Variants in LAMA3 observed in about 807,000 individuals in gnomAD.
LAMA3 encodes laminin subunit alpha-3.
In LAMA3, 281 loss-of-function variants were observed where a neutral mutation model predicts 402.0. The observed-to-expected ratio is 0.70, with a 90% CI of 0.63 to 0.77. LAMA3 has a LOEUF of 0.77. Ranked by LOEUF, LAMA3 falls within the 30% of genes least tolerant of loss-of-function variation. LAMA3 has a pLI of 0.00. For synonymous variants in LAMA3, 1,431 were observed against 1,558.4 expected (o/e 0.92, Z 1.93); for missense variants, 3,840 against 4,215.5 (o/e 0.91, Z 2.47).
rs1375195526 is a variant in LAMA3 at position 23,839,412 on chromosome 18, A to G, written c.3192-373A>G. On this transcript the variant is annotated intron_variant, in intron 26 of 74. Coordinates refer to ENST00000313654, the MANE Select transcript of LAMA3 (RefSeq NM_198129.4). This position sits in a 1 kb window ranked among gnomAD's most constrained non-coding sequence, Gnocchi z 4.5. ...TGGTTGTGCGTAAAAGAGACGATGT[A>G]TATTTTTTCTTTCTTATATAGTGTT... is the stretch of plus-strand genomic sequence containing the variant. Among the ~76,000 whole-genome samples, 1 of 152,164 alleles carries G rather than the reference A, an allele frequency of 6.6e-6. No homozygotes were observed. Among genetic ancestry groups the G allele is most frequent in the Admixed American group, 6.5e-5 (1 of 15,274 alleles).
chr18:23,773,607 GGTGTATCTTAGCCTGT>G lies in LAMA3; in HGVS notation c.1273+26_1273+41del, dbSNP rs751342972. On this transcript the variant is annotated intron_variant, in intron 9 of 74. Transcript: ENST00000313654. ...GCATCCGTAAGTTTCATTTCAAGTT[GGTGTATCTTAGCCTGT>G]GTGTACTGCCTCAGCGAAGTCATCA... 5.5e-4 allele frequency: 833 copies of G among 1,517,370 alleles called. 3 individuals carry two copies. The highest frequency in any genetic ancestry group is 7.2e-4 in the Non-Finnish European group (793 of 1,108,984). 94.0% of individuals were successfully genotyped at this position (1,517,370 alleles called of 1,614,324 possible).
At chr18:23,857,756 C>T (rs962981266) in intron 32 of LAMA3, 88 bp from the exon 33 acceptor site, 31 of 1,541,220 alleles carry the variant, frequency 2.0e-5, no homozygotes, top group Middle Eastern at 1.7e-4. Flanking sequence ...TGGCTTTGCA[C>T]ACCAATTAGT....
At chr18:23,927,455 C>T (rs1468963483) in intron 62 of LAMA3, among the ~76,000 whole-genome samples, 1 of 152,162 alleles carries the variant, frequency 6.6e-6, no homozygotes, top group African/African-American at 2.4e-5. Flanking sequence ...AGGCATGAGC[C>T]ACCCCACCCG....
chr18:23,904,094 G>A lies in LAMA3; in HGVS notation c.6473+7G>A. 1.2e-6 allele frequency: 2 copies of A among 1,613,210 alleles called. No individual in the cohort carries two copies. The highest frequency in any genetic ancestry group is 1.3e-5 in the African/African-American group (1 of 75,028). On this transcript the variant is annotated splice_region_variant and intron_variant, in intron 50 of 74. Coordinates refer to ENST00000313654, the MANE Select transcript of LAMA3 (RefSeq NM_198129.4). ...TGGCAAAGCAGCTGGAAGAGTGAGT[G>A]CATGGCCCAGGAGACCAGAAGGGCA...
intron 72 of LAMA3, among the ~76,000 whole-genome samples, chr18:23,950,735 A>C (rs2082880466): frequency 6.6e-6 from 1 of 152,218 alleles, no homozygotes; most frequent in Non-Finnish European, 1.5e-5. Flanking sequence ...CAGTTTACTA[A>C]ATGTGAGGGG....
intron 19 of LAMA3, among the ~76,000 whole-genome samples, chr18:23,821,835 A>G (rs1280750766): frequency 6.6e-6 from 1 of 152,282 alleles, no homozygotes; most frequent in Admixed American, 6.5e-5. Context: ...CGGACTCTGA[A>G]GCAGTCTCTC....
intron 32 of LAMA3, among the ~76,000 whole-genome samples, chr18:23,854,345 G>A (rs1254870875): frequency 6.6e-6 from 1 of 152,200 alleles, no homozygotes; most frequent in Non-Finnish European, 1.5e-5. Context: ...CCAGTGAAGT[G>A]AAAATACAAA....
intron 12 of LAMA3, among the ~76,000 whole-genome samples, chr18:23,792,498 A>C (rs2062678839): frequency 6.6e-6 from 1 of 152,226 alleles, no homozygotes; most frequent in South Asian, 2.1e-4. Flanking sequence ...TCTACTCATG[A>C]GGAATCCACC....
chr18:23,873,145 G>A (rs2064585816), intron 38 of LAMA3: 1 of 1,614,118 alleles, frequency 6.2e-7, no homozygotes, highest in African/African-American at 1.3e-5. Flanking sequence ...CAGCAGCAAA[G>A]GGTGCCATTT....
At chr18:23,878,496 TCACACACACACG>T (rs968790017) in intron 39 of LAMA3, among the ~76,000 whole-genome samples, 8 of 152,104 alleles carry the variant, frequency 5.3e-5, no homozygotes, top group African/African-American at 9.7e-5. Flanking sequence ...GTACACACAC[TCACACACACACG>T]CACACACACA....
chr18:23,784,066 T>C lies in LAMA3; in HGVS notation c.1512T>C (p.Asp504=). Residue 504 remains aspartate (D), a synonymous_variant, in exon 12 of 75, where the codon GAT becomes GAC. Coordinates refer to ENST00000313654, the MANE Select transcript of LAMA3 (RefSeq NM_198129.4). ...AAGGTGTTCTCCCTGAAATATGTGATGCCCACGGACGGTGCCTGTGCCGCC... is the reference window on the plus strand; with the variant it reads ...AAGGTGTTCTCCCTGAAATATGTGACGCCCACGGACGGTGCCTGTGCCGCC... ...NLEGVLPEIC[D]AHGRCLCRPG... The C allele has an allele frequency of 1.9e-6, 3 of 1,614,170 alleles. No individual in the cohort carries two copies. The South Asian group carries it at 3.3e-5, about 18-fold the overall frequency.
intron 8 of LAMA3, among the ~76,000 whole-genome samples, chr18:23,772,137 G>T (rs1409687210): frequency 6.6e-6 from 1 of 151,848 alleles, no homozygotes; most frequent in Non-Finnish European, 1.5e-5. Context: ...TGCCTCCTGG[G>T]TTCAAGCAAT....
chr18:23,717,891 A>G (rs1339480347), intron 2 of LAMA3, among the ~76,000 whole-genome samples: 1 of 151,902 alleles, frequency 6.6e-6, no homozygotes, highest in African/African-American at 2.4e-5. Flanking sequence ...CTTAAAGGAC[A>G]GTTTCCCCTT....
At position 23,833,910 on chromosome 18, in the gene LAMA3, T is replaced by C. The variant is rs1434003504; in HGVS notation, c.2906T>C (p.Leu969Pro). Reference protein sequence around the residue: ...VVEYSTEAAQLFVVDVNVKSS... With the variant: ...VVEYSTEAAQPFVVDVNVKSS... ...GAGTATTCCACGGAGGCAGCTCAGC[T>C]GTTTGTGGTTGATGTGAATGTGAAG... Residue 969 changes from leucine to proline, a missense_variant, in exon 24 of 75, where the codon CTG becomes CCG. By Grantham distance (98) the Leu-to-Pro change is moderately conservative. Around this residue, in one of 3 missense-constraint regions of LAMA3, gnomAD observed 2,109 missense variants for 2,376.0 expected, o/e 0.89. Coordinates refer to ENST00000313654, the MANE Select transcript of LAMA3 (RefSeq NM_198129.4). The C allele has an allele frequency of 6.2e-7, 1 of 1,614,070 alleles. No individual in the cohort carries two copies. The highest frequency in any genetic ancestry group is 1.3e-5 in the African/African-American group (1 of 74,916).
intron 12 of LAMA3, among the ~76,000 whole-genome samples, chr18:23,807,978 G>A (rs2062995710): frequency 6.6e-6 from 1 of 152,166 alleles, no homozygotes; most frequent in African/African-American, 2.4e-5. Context: ...GGTGGAAATG[G>A]CAGTAGGAGA....
chr18:23,900,951 A>G (rs2081049204), intron 47 of LAMA3, among the ~76,000 whole-genome samples, 176 bp from the exon 48 acceptor site: 1 of 152,202 alleles, frequency 6.6e-6, no homozygotes, highest in African/African-American at 2.4e-5. Flanking sequence ...TAAATGAGGC[A>G]ACATGTACAG....
chr18:23,893,065 T>G lies in LAMA3; in HGVS notation c.5411-1233T>G, dbSNP rs1249288554. ...ATTTCATTTTTCTGACTTCCCCATA[T>G]TTTCCATAATTAATTTATATTATTT... On this transcript the variant is annotated intron_variant, in intron 42 of 74. Transcript: ENST00000313654. 2.6e-5 allele frequency among the ~76,000 whole-genome samples: 4 copies of G among 152,074 alleles called. No individual in the cohort carries two copies. In the East Asian group the frequency reaches 7.7e-4, roughly 29 times the overall value.
Position 23,928,763 on chromosome 18 carries a change from T to C in LAMA3, c.8434T>C (p.Trp2812Arg). 1 of 1,613,526 alleles carries C rather than the reference T, an allele frequency of 6.2e-7. No individual in the cohort carries two copies. The highest frequency in any genetic ancestry group is 8.5e-7 in the Non-Finnish European group (1 of 1,179,446). ...TGGCATATTATTAGATCATCAGACA[T>C]GGGTATGCAGTAGTGCATTAATATC... ...PSGILLDHQT[W>R]TRNLQVTLED... Residue 2812 changes from tryptophan to arginine, a missense_variant and splice_region_variant, in exon 64 of 75, where the codon TGG (tryptophan) becomes CGG (arginine). Transcript: ENST00000313654.
chr18:23,701,747 G>A (rs1224456840), intron 1 of LAMA3, among the ~76,000 whole-genome samples: 2 of 152,144 alleles, frequency 1.3e-5, no homozygotes, highest in South Asian at 2.1e-4. Flanking sequence ...GAATAGACAC[G>A]GAGATAGAGG....
Sources: allele counts gnomAD v4.1 joint callset (sites outside exome capture counted in the v4.1 genomes callset), GRCh38; gene constraint gnomAD v4.1.1; regional missense constraint gnomAD v4.1.1; non-coding constraint Gnocchi (gnomAD v3.1); transcripts MANE v1.5; gene names NCBI Gene and HGNC (gene_info 2026-07-23, HGNC 2026-07-21).